Variants in NEK6 observed in about 807,000 individuals in gnomAD.
The protein encoded by NEK6 is serine/threonine-protein kinase Nek6.
NEK6 carries 27 observed loss-of-function variants against 43.5 expected under a neutral mutation model. That is an observed-to-expected ratio of 0.62 (90% CI 0.46 to 0.86). The LOEUF (loss-of-function observed/expected upper bound fraction) is 0.86, where lower values mean the gene tolerates loss of function less well. Ranked by LOEUF, NEK6 falls within the 40% of genes least tolerant of loss-of-function variation. NEK6 has a pLI of 0.00. For missense variants in NEK6, 318 were observed against 414.4 expected (o/e 0.77, Z 2.02); for synonymous variants, 167 against 164.1 (o/e 1.02, Z -0.14).
At chr9:124,330,242 G>A (rs1276986637) in intron 7 of NEK6, among the ~76,000 whole-genome samples, 2 of 152,222 alleles carry the variant, frequency 1.3e-5, no homozygotes, top group Non-Finnish European at 2.9e-5. Flanking sequence ...AGCGTCAGAC[G>A]AATTACCAGG....
At chr9:124,302,113 T>C in intron 2 of NEK6, 59 bp downstream of exon 2, 2 of 1,288,972 alleles carry the variant, frequency 1.6e-6, no homozygotes, top group Admixed American at 2.4e-5. Context: ...TACGGATCCC[T>C]GAGCCTCCTT....
At chr9:124,331,494 G>A (rs1449778511) in intron 7 of NEK6, among the ~76,000 whole-genome samples, 1 of 152,226 alleles carries the variant, frequency 6.6e-6, no homozygotes, top group South Asian at 2.1e-4. Context: ...TTTGGGTTGT[G>A]GGTGCCCAGG....
At chr9:124,303,969 G>A (rs1057495280) in intron 2 of NEK6, among the ~76,000 whole-genome samples, 1 of 152,268 alleles carries the variant, frequency 6.6e-6, no homozygotes, top group Non-Finnish European at 1.5e-5. Flanking sequence ...GCGGTGGGCT[G>A]CAGTGGCAGC....
At chr9:124,269,488 C>T (rs1032235004) in intron 1 of NEK6, among the ~76,000 whole-genome samples, 8 of 152,038 alleles carry the variant, frequency 5.3e-5, no homozygotes, top group African/African-American at 1.7e-4. Context: ...ATTCTCCTGC[C>T]GCAGCCTCCC....
At chr9:124,329,066 A>C (rs761778645) in intron 7 of NEK6, among the ~76,000 whole-genome samples, 13 of 152,216 alleles carry the variant, frequency 8.5e-5, no homozygotes, top group African/African-American at 1.9e-4. Flanking sequence ...CGCTGCTTCC[A>C]GGAAACGAGG....
intron 7 of NEK6, among the ~76,000 whole-genome samples, chr9:124,331,577 C>G (rs1281488638): frequency 6.6e-6 from 1 of 152,186 alleles, no homozygotes; most frequent in East Asian, 1.9e-4. Flanking sequence ...CGCTCCATCC[C>G]TGAGGAAAAG....
At chr9:124,315,157 T>C (rs1036232577) in intron 4 of NEK6, among the ~76,000 whole-genome samples, 3 of 152,228 alleles carry the variant, frequency 2.0e-5, no homozygotes, top group African/African-American at 7.2e-5. Flanking sequence ...AAGCAGATGG[T>C]GACCTTCCAG....
At chr9:124,300,889 T>A (rs1458215102) in intron 1 of NEK6, among the ~76,000 whole-genome samples, 1 of 152,190 alleles carries the variant, frequency 6.6e-6, no homozygotes, top group African/African-American at 2.4e-5. Context: ...GGGTTCTGCC[T>A]AGGATGTGGT....
At chr9:124,321,370 G>A (rs917455609) in intron 4 of NEK6, 89 bp from the exon 5 acceptor site, 36 of 768,062 alleles carry the variant, frequency 4.7e-5, no homozygotes, top group Non-Finnish European at 7.5e-5. Context: ...CTCAGTGACC[G>A]GGTGCCAGCA....
intron 2 of NEK6, among the ~76,000 whole-genome samples, chr9:124,305,336 C>T (rs1428996166): frequency 1.3e-5 from 2 of 152,140 alleles, no homozygotes; most frequent in African/African-American, 4.8e-5. Context: ...GGATGGATCA[C>T]CTGAGTCTGG....
intron 1 of NEK6, chr9:124,293,015 T>C: frequency 6.5e-7 from 1 of 1,547,166 alleles, no homozygotes; most frequent in South Asian, 1.2e-5. Flanking sequence ...GGCCTCGAGG[T>C]GAGAGCAAGA....
intron 1 of NEK6, among the ~76,000 whole-genome samples, chr9:124,279,760 C>T (rs1473656082): frequency 6.6e-6 from 1 of 152,222 alleles, no homozygotes; most frequent in Non-Finnish European, 1.5e-5. Flanking sequence ...TTATTGGCAC[C>T]ACCCAGTCAC....
intron 7 of NEK6, among the ~76,000 whole-genome samples, chr9:124,330,804 G>T (rs3780203): frequency 0.093 from 14,201 of 152,166 alleles, 1,179 homozygotes; most frequent in East Asian, 0.45. Flanking sequence ...GGCCCACTGT[G>T]GGCAGGCAGG....
chr9:124,275,414 T>C lies in NEK6; in HGVS notation c.-30+17329T>C, dbSNP rs1564616857. Among the ~76,000 whole-genome samples, 1 of 152,102 alleles carries C rather than the reference T, an allele frequency of 6.6e-6. No homozygotes were observed. Among genetic ancestry groups the C allele is most frequent in the East Asian group, 1.9e-4 (1 of 5,194 alleles). On this transcript the variant is annotated intron_variant, in intron 1 of 9. Transcript: ENST00000320246. The surrounding 1 kb of genome is among the most constrained non-coding windows in gnomAD (Gnocchi z 4.4). ...TGACGGTCATGGAGCCCAGAACCCA[T>C]GGGTAACGGGGTCAGCATTCAGAAG... is the stretch of plus-strand genomic sequence containing the variant.
intron 1 of NEK6, among the ~76,000 whole-genome samples, chr9:124,294,265 C>G (rs1832571833): frequency 6.6e-6 from 1 of 152,178 alleles, no homozygotes; most frequent in South Asian, 2.1e-4. Flanking sequence ...ACTCGGGAGC[C>G]TGAGTAGTGT....
chr9:124,330,624 C>T (rs905264794), intron 7 of NEK6, among the ~76,000 whole-genome samples: 1 of 152,268 alleles, frequency 6.6e-6, no homozygotes, highest in African/African-American at 2.4e-5. Context: ...TGCTGGGTCT[C>T]CCAGGGCTTA....
intron 1 of NEK6, among the ~76,000 whole-genome samples, chr9:124,271,859 T>C (rs1171158738): frequency 6.6e-6 from 1 of 152,252 alleles, no homozygotes; most frequent in East Asian, 1.9e-4. Flanking sequence ...AGCTCCAGCT[T>C]TTCTCCTGCA....
chr9:124,279,554 C>T (rs760941968), intron 1 of NEK6, among the ~76,000 whole-genome samples: 23 of 152,166 alleles, frequency 1.5e-4, no homozygotes, highest in Non-Finnish European at 2.2e-4. Context: ...TTGCCTGCCT[C>T]GGCCTCCCAA....
In NEK6 at chr9:124,313,993, C is replaced by T. The variant is rs1415420918; in HGVS notation, c.294+8C>T. ...GAGATCGGCCTCTTGAAGGTGAGCA[C>T]CCTGGGCCGAGCGGGAGCTTTGCCT... is the stretch of plus-strand genomic sequence containing the variant. On this transcript the variant is annotated splice_region_variant and intron_variant, in intron 4 of 9. Coordinates refer to ENST00000320246, the MANE Select transcript of NEK6 (RefSeq NM_014397.6). The T allele has an allele frequency of 3.1e-6, 5 of 1,613,850 alleles. No individual in the cohort carries two copies. The highest frequency in any genetic ancestry group is 4.2e-6 in the Non-Finnish European group (5 of 1,179,884).
Sources: allele counts gnomAD v4.1 joint callset (sites outside exome capture counted in the v4.1 genomes callset), GRCh38; gene constraint gnomAD v4.1.1; non-coding constraint Gnocchi (gnomAD v3.1); transcripts MANE v1.5; gene names NCBI Gene and HGNC (gene_info 2026-07-23, HGNC 2026-07-21).